Variants in SHISA9 observed in about 807,000 individuals in gnomAD.
The protein encoded by SHISA9 is shisa family member 9.
Under a neutral mutation model 38.0 loss-of-function variants are expected in SHISA9, and 13 were observed. The ratio of observed to expected loss-of-function variants is 0.34; its 90% CI spans 0.22 to 0.54. The LOEUF is 0.54. Among genes scored for constraint, SHISA9 ranks in the 20% least tolerant of loss-of-function variants. The pLI is 0.91. For synonymous variants in SHISA9, 275 were observed against 242.0 expected (o/e 1.14, Z -1.27); for missense variants, 538 against 575.8 (o/e 0.93, Z 0.67).
rs115261226 is a variant in SHISA9, at chr16:13,203,560, C to T, written c.847+11C>T. 8.6e-5 allele frequency: 128 copies of T among 1,491,538 alleles called. No homozygotes were observed. In the African/African-American group the frequency reaches 1.7e-3, roughly 19 times the overall value. The allele number at this position is 1,491,538 out of a possible 1,614,324, so 92.4% of individuals were successfully genotyped here. A position where few individuals can be genotyped will look rare whatever the true frequency, so the allele number is the denominator to read the frequency against. ...CCTTAAAGGCAGTCGGTAAGTGCCA[C>T]CTGATGGATCTTTTTCTCTTTCTCC... On this transcript the variant is annotated intron_variant, in intron 3 of 4. Transcript: ENST00000558583.
intron 1 of SHISA9, among the ~76,000 whole-genome samples, chr16:12,904,552 CG>C (rs898310455): frequency 6.6e-6 from 1 of 152,104 alleles, no homozygotes; most frequent in Non-Finnish European, 1.5e-5. Context: ...CACAGCTGAG[CG>C]GGTTGCAGCT....
intron 2 of SHISA9, among the ~76,000 whole-genome samples, chr16:13,059,371 C>T (rs1234199913): frequency 6.6e-6 from 1 of 152,076 alleles, no homozygotes; most frequent in Non-Finnish European, 1.5e-5. Context: ...TCGTGATCTG[C>T]CCACCTCGGC....
At chr16:13,442,535 C>G in the SHISA9 span, among the ~76,000 whole-genome samples, 3 of 152,256 alleles carry the variant, frequency 2.0e-5, no homozygotes, top group East Asian at 5.8e-4. Flanking sequence ...CTCGAACTGA[C>G]TTCAGGTGAT....
chr16:13,108,230 G>C (rs565807608), intron 2 of SHISA9, among the ~76,000 whole-genome samples: 1 of 151,954 alleles, frequency 6.6e-6, no homozygotes, highest in Non-Finnish European at 1.5e-5. Context: ...CAGGACTCAA[G>C]TGATCCTCCT....
At position 13,238,248 on chromosome 16, in the gene SHISA9, A is replaced by G. The variant is rs2051404101; in HGVS notation, c.*2839A>G. ...TACTAATAAGATGGACCAAAAAGTA[A>G]ATGAAAGGGGAATCATTTCCTATGC... On this transcript the variant is annotated 3_prime_UTR_variant, in exon 5 of 5. Transcript: ENST00000558583. 2 of 152,206 alleles carry G rather than the reference A, an allele frequency of 1.3e-5. No individual in the cohort carries two copies. The highest frequency in any genetic ancestry group is 2.9e-5 in the Non-Finnish European group (2 of 68,046). The allele number at this position is 152,206 out of a possible 1,614,324, so 9.4% of individuals were successfully genotyped here.
the SHISA9 span, among the ~76,000 whole-genome samples, chr16:13,467,960 T>A: frequency 1.3e-5 from 2 of 152,230 alleles, no homozygotes; most frequent in Admixed American, 1.3e-4. Flanking sequence ...TCGCTATCCT[T>A]CATGGTGTTT....
At chr16:12,936,016 A>G (rs988336957) in intron 2 of SHISA9, among the ~76,000 whole-genome samples, 1 of 152,086 alleles carries the variant, frequency 6.6e-6, no homozygotes, top group Non-Finnish European at 1.5e-5. Context: ...TTCCAGAGTG[A>G]GGAGTGATGA....
the SHISA9 span, among the ~76,000 whole-genome samples, chr16:13,414,643 T>TTTC: frequency 2.5e-4 from 22 of 88,754 alleles, no homozygotes; most frequent in Non-Finnish European, 3.6e-4. Flanking sequence ...TTCTTCTTTC[T>TTTC]TTCTTTCTTT....
intron 2 of SHISA9, among the ~76,000 whole-genome samples, chr16:12,924,571 G>C (rs753823315): frequency 6.6e-6 from 1 of 152,134 alleles, no homozygotes; most frequent in Non-Finnish European, 1.5e-5. Context: ...ATGATTCTAA[G>C]GGTTTTGGCA....
intron 2 of SHISA9, among the ~76,000 whole-genome samples, chr16:13,115,128 C>A (rs2074019188): frequency 6.6e-6 from 1 of 152,104 alleles, no homozygotes; most frequent in East Asian, 1.9e-4. Context: ...ATATACTTAG[C>A]CACTCAGTTT....
At chr16:12,989,939 C>T (rs1375362314) in intron 2 of SHISA9, among the ~76,000 whole-genome samples, 2 of 152,054 alleles carry the variant, frequency 1.3e-5, no homozygotes, top group African/African-American at 4.8e-5. Context: ...CCTTTGCACC[C>T]CTCCTGACAG....
intron 2 of SHISA9, among the ~76,000 whole-genome samples, chr16:13,166,135 T>C (rs576581291): frequency 3.9e-5 from 6 of 152,340 alleles, no homozygotes; most frequent in East Asian, 3.9e-4. Flanking sequence ...TAACTTCCAT[T>C]TCATGGATGA....
At chr16:13,338,305 C>G in the SHISA9 span, among the ~76,000 whole-genome samples, 1 of 152,144 alleles carries the variant, frequency 6.6e-6, no homozygotes, top group Non-Finnish European at 1.5e-5. Flanking sequence ...TTTTTGCTTA[C>G]GTCAGTTAGA....
the SHISA9 span, among the ~76,000 whole-genome samples, chr16:13,446,285 T>A: frequency 6.6e-6 from 1 of 152,122 alleles, no homozygotes; most frequent in South Asian, 2.1e-4. Flanking sequence ...TTATTATTAT[T>A]TATATTAACT....
chr16:13,550,137 C>G, the SHISA9 span, among the ~76,000 whole-genome samples: 1 of 151,928 alleles, frequency 6.6e-6, no homozygotes, highest in South Asian at 2.1e-4. Context: ...AAGTGCAAAG[C>G]CCCCGAGGCA....
chr16:13,379,610 T>G, the SHISA9 span, among the ~76,000 whole-genome samples: 6 of 152,242 alleles, frequency 3.9e-5, no homozygotes, highest in African/African-American at 1.4e-4. Context: ...TAATGTCTTA[T>G]TCCCTTCTCC....
intron 2 of SHISA9, among the ~76,000 whole-genome samples, chr16:12,944,089 A>G (rs976759293): frequency 6.6e-6 from 1 of 152,146 alleles, no homozygotes; most frequent in Non-Finnish European, 1.5e-5. Context: ...CCCAGTTATG[A>G]TAACCAAATA....
At chr16:12,914,139 G>A (rs528154143) in intron 1 of SHISA9, among the ~76,000 whole-genome samples, 6 of 148,706 alleles carry the variant, frequency 4.0e-5, no homozygotes, top group South Asian at 4.3e-4. Context: ...CCTGCCTCCC[G>A]GGTTCAAGCA....
the SHISA9 span, among the ~76,000 whole-genome samples, chr16:13,479,062 G>A: frequency 6.6e-6 from 1 of 152,112 alleles, no homozygotes; most frequent in African/African-American, 2.4e-5. Flanking sequence ...GTGTCATCAT[G>A]GCCTCCTACT....
Sources: gnomAD v4.1 joint callset for allele counts (sites outside exome capture counted in the v4.1 genomes callset) on GRCh38, gnomAD v4.1.1 for gene constraint, MANE v1.5 for transcripts, NCBI Gene and HGNC (gene_info 2026-07-23, HGNC 2026-07-21) for gene names.